Variants in CUL9 observed in about 807,000 individuals in gnomAD.
CUL9 encodes the protein cullin-9.
CUL9 carries 79 observed loss-of-function variants against 272.6 expected under a neutral mutation model. The ratio of observed to expected loss-of-function variants is 0.29; its 90% CI spans 0.24 to 0.35. The LOEUF (loss-of-function observed/expected upper bound fraction) is 0.35, where lower values mean the gene tolerates loss of function less well. Among genes scored for constraint, CUL9 ranks in the 10% least tolerant of loss-of-function variants. The pLI, the probability that CUL9 is intolerant of heterozygous loss-of-function variation, is 1.00. For synonymous variants in CUL9, 1,186 were observed against 1,286.5 expected (o/e 0.92, Z 1.67); for missense variants, 2,532 against 3,255.6 (o/e 0.78, Z 5.41).
At chr6:43,214,522 C>G (rs371325724) in intron 29 of CUL9, among the ~76,000 whole-genome samples, 1 of 151,888 alleles carries the variant, frequency 6.6e-6, no homozygotes, top group African/African-American at 2.4e-5. Context: ...TAGTAGTGGC[C>G]GGGCGCGGTG....
intron 11 of CUL9, 141 bp from the exon 12 acceptor site, chr6:43,198,468 C>T: frequency 6.7e-7 from 1 of 1,497,766 alleles, no homozygotes; most frequent in Non-Finnish European, 8.9e-7. Flanking sequence ...GAAAACCCCT[C>T]ATAGTTTGGT....
rs772513915 is a variant in CUL9 at position 43,198,651 on chromosome 6, A to G, written c.2846A>G (p.Glu949Gly). The G allele has an allele frequency of 3.7e-6, 6 of 1,614,082 alleles. No homozygotes were observed. Among genetic ancestry groups the G allele is most frequent in the Non-Finnish European group, 5.1e-6 (6 of 1,179,998 alleles). ...ATCCAGGGTCAGGATGGGTCCCCTGAGCTACTGATTCGATCCCTGGTTGGG... is the reference window on the plus strand; with the variant it reads ...ATCCAGGGTCAGGATGGGTCCCCTGGGCTACTGATTCGATCCCTGGTTGGG... ...PIIQGQDGSP[E>G]LLIRSLVGGP... Residue 949 changes from glutamate (E) to glycine (G), a missense_variant, in exon 12 of 41, where the codon GAG (glutamate) becomes GGG (glycine). By Grantham distance (98) the Glu-to-Gly change is moderately conservative. Transcript: ENST00000252050.
At position 43,204,570 on chromosome 6, in the gene CUL9, C is replaced by G. The variant is rs770960441; in HGVS notation, c.4339+31C>G. On this transcript the variant is annotated intron_variant, in intron 21 of 40. Coordinates refer to ENST00000252050, the MANE Select transcript of CUL9 (RefSeq NM_015089.4). ...TCCCAGCTGTGGCCAGTGGAGCTGA[C>G]TCTGCGGACAGTGGTGTATCTGGCT... 6.8e-6 allele frequency: 11 copies of G among 1,612,656 alleles called. No individual in the cohort carries two copies. The Admixed American group carries it at 1.3e-4, about 20-fold the overall frequency.
rs759613358 is a variant in CUL9 at position 43,184,409 on chromosome 6, C to T, written c.99C>T (p.Asp33=). The T allele has an allele frequency of 5.4e-5, 87 of 1,613,356 alleles. No homozygotes were observed. The highest frequency in any genetic ancestry group is 1.6e-4 in the Middle Eastern group (1 of 6,080). Residue 33 remains aspartate, a synonymous_variant, in exon 2 of 41, where the codon GAC becomes GAT. Transcript: ENST00000252050. This position sits in a 1 kb window ranked among gnomAD's most constrained non-coding sequence, Gnocchi z 4.8. ...EELIRQRPGH[D]GHPEYLIRWS... is the part of the protein sequence containing the mutation. ...TCATTCGACAGAGGCCTGGGCATGA[C>T]GGGCATCCTGAATACCTGATCCGAT... is the stretch of plus-strand genomic sequence containing the variant.
rs763804282 is a variant in CUL9, at chr6:43,216,462, G to A, written c.6241G>A (p.Asp2081Asn). Residue 2081 changes from aspartate to asparagine, a missense_variant, in exon 31 of 41, where the codon GAC (aspartate) becomes AAC (asparagine). Coordinates refer to ENST00000252050, the MANE Select transcript of CUL9 (RefSeq NM_015089.4). ...CTGTGTGAGCCCCCTGGGGTGTGAC[G>A]ACGACCTGCCCTCTCTCTGCTGCAT... is the stretch of plus-strand genomic sequence containing the variant. Reference protein sequence around the residue: ...PVCVSPLGCDDDLPSLCCMHY... With the variant: ...PVCVSPLGCDNDLPSLCCMHY... 5 of 1,604,592 alleles carry A rather than the reference G, an allele frequency of 3.1e-6. No individual in the cohort carries two copies. The highest frequency in any genetic ancestry group is 2.2e-5 in the East Asian group (1 of 44,516).
chr6:43,204,526 A>G lies in CUL9; in HGVS notation c.4326A>G (p.Pro1442=), dbSNP rs754326564. 3.1e-6 allele frequency: 5 copies of G among 1,613,888 alleles called. No individual in the cohort carries two copies. The East Asian group carries it at 8.9e-5, about 29-fold the overall frequency. The change falls in exon 21 of 41, where the codon CCA becomes CCG. Residue 1442 remains proline (P), a synonymous_variant. Transcript: ENST00000252050. ...CTCCTCCTGGGCCTTCTCCTGAGCC[A>G]TCCACTCGGCCCTGTAAGTCCCAGC... ...VEPPPGPSPE[P]STRPFSKNSK... is the part of the protein sequence containing the mutation.
chr6:43,211,728 A>G (rs549021499), intron 26 of CUL9, among the ~76,000 whole-genome samples: 2 of 152,196 alleles, frequency 1.3e-5, no homozygotes, highest in Non-Finnish European at 2.9e-5. Context: ...ATATCAGCTC[A>G]TGGCCAATCT....
At chr6:43,183,224 C>A (rs114575770) in intron 1 of CUL9, among the ~76,000 whole-genome samples, 1 of 152,132 alleles carries the variant, frequency 6.6e-6, no homozygotes, top group African/African-American at 2.4e-5. Flanking sequence ...CCATGATTAC[C>A]ACCTCTATCT....
chr6:43,190,352 G>T (rs1773347119), intron 8 of CUL9, among the ~76,000 whole-genome samples: 1 of 149,680 alleles, frequency 6.7e-6, no homozygotes. Flanking sequence ...TTTTTAATTG[G>T]ATCTTTGCCT....
chr6:43,219,486 A>G (rs1270257094), intron 31 of CUL9, among the ~76,000 whole-genome samples: 2 of 151,544 alleles, frequency 1.3e-5, no homozygotes, highest in Admixed American at 6.6e-5. Context: ...TCCCTGTTCT[A>G]TCTCAAAAAT....
At position 43,218,122 on chromosome 6, in the gene CUL9, T is replaced by A. The variant is rs1397532909; in HGVS notation, c.6282+1619T>A. On this transcript the variant is annotated intron_variant, in intron 31 of 40. Transcript: ENST00000252050. The surrounding 1 kb of genome is among the most constrained non-coding windows in gnomAD (Gnocchi z 4.4). ...ACCACACCCAGCCTGACAGTGGATTTTATTTTATGAGAAGCCATGGTGGGT... is the reference window on the plus strand; with the variant it reads ...ACCACACCCAGCCTGACAGTGGATTATATTTTATGAGAAGCCATGGTGGGT... Among the ~76,000 whole-genome samples, 1 of 151,986 alleles carries A rather than the reference T, an allele frequency of 6.6e-6. No individual in the cohort carries two copies. The highest frequency in any genetic ancestry group is 1.5e-5 in the Non-Finnish European group (1 of 67,986).
intron 8 of CUL9, chr6:43,189,108 T>C (rs1773182913): frequency 6.2e-6 from 1 of 162,440 alleles, no homozygotes; most frequent in African/African-American, 2.4e-5. Flanking sequence ...TTTTTCTCTT[T>C]CTTTTTCTTT....
intron 16 of CUL9, 84 bp from the exon 17 acceptor site, chr6:43,202,632 C>T (rs765791072): frequency 8.5e-6 from 10 of 1,176,740 alleles, no homozygotes; most frequent in African/African-American, 1.5e-5. Context: ...CCTCCCACCT[C>T]AGCCTCCCAA....
chr6:43,200,722 C>A lies in CUL9; in HGVS notation c.3535C>A (p.Pro1179Thr). The A allele has an allele frequency of 6.2e-7, 1 of 1,614,200 alleles. No individual in the cohort carries two copies. Among genetic ancestry groups the A allele is most frequent in the Non-Finnish European group, 8.5e-7 (1 of 1,180,032 alleles). Residue 1179 changes from proline to threonine, a missense_variant, in exon 16 of 41, where the codon CCG (proline) becomes ACG (threonine). Pro to Thr is a conservative substitution (Grantham distance 38). Coordinates refer to ENST00000252050, the MANE Select transcript of CUL9 (RefSeq NM_015089.4). This position sits in a 1 kb window ranked among gnomAD's most constrained non-coding sequence, Gnocchi z 4.0. ...GGAGAAGGTGGAGGTGTCCTCCAAC[C>A]CGCACCGAGCCAGCAAGCTGACGGA... ...CWEKVEVSSN[P>T]HRASKLTDHN...
intron 26 of CUL9, among the ~76,000 whole-genome samples, chr6:43,212,597 C>G (rs1235200139): frequency 6.6e-6 from 1 of 151,746 alleles, no homozygotes; most frequent in Non-Finnish European, 1.5e-5. Context: ...AAAAATATAT[C>G]ATTATGAACT....
At position 43,188,511 on chromosome 6, in the gene CUL9, C is replaced by G; in HGVS notation, c.1988-12C>G. ...AGTTCTTTTAGCCATTGCCTTTTCC[C>G]ACCAATTTCAGAAATGGCCAGAGCC... On this transcript the variant is annotated splice_polypyrimidine_tract_variant and intron_variant, in intron 7 of 40. Coordinates refer to ENST00000252050, the MANE Select transcript of CUL9 (RefSeq NM_015089.4). 6.3e-7 allele frequency: 1 copy of G among 1,576,872 alleles called. No individual in the cohort carries two copies. The highest frequency in any genetic ancestry group is 8.6e-7 in the Non-Finnish European group (1 of 1,162,090).
At chr6:43,222,681 C>T in intron 37 of CUL9, 40 bp downstream of exon 37, 1 of 1,606,200 alleles carries the variant, frequency 6.2e-7, no homozygotes. Context: ...GAGGGGTGTG[C>T]CAAATGGGTC....
At position 43,200,290 on chromosome 6, in the gene CUL9, T is replaced by G. The variant is rs1269113392; in HGVS notation, c.3384+134T>G. On this transcript the variant is annotated intron_variant, in intron 14 of 40. Coordinates refer to ENST00000252050, the MANE Select transcript of CUL9 (RefSeq NM_015089.4). The surrounding 1 kb of genome is among the most constrained non-coding windows in gnomAD (Gnocchi z 4.0). ...ATCTGGGGCACTTGTTTCCTAACCT[T>G]GACTCCACATGGTTCTGTCAAAATG... is the stretch of plus-strand genomic sequence containing the variant. The G allele has an allele frequency of 1.3e-6, 2 of 1,484,464 alleles. No individual in the cohort carries two copies. Among genetic ancestry groups the G allele is most frequent in the Non-Finnish European group, 1.8e-6 (2 of 1,084,182 alleles). 92.0% of individuals were successfully genotyped at this position (1,484,464 alleles called of 1,614,324 possible).
chr6:43,209,201 A>G (rs1459379697), intron 26 of CUL9, among the ~76,000 whole-genome samples: 4 of 140,282 alleles, frequency 2.9e-5, no homozygotes, highest in African/African-American at 1.1e-4. Context: ...GCTGGAGTGT[A>G]GTGGCGTGAT....
Sources: gnomAD v4.1 joint callset for allele counts (sites outside exome capture counted in the v4.1 genomes callset) on GRCh38, gnomAD v4.1.1 for gene constraint, Gnocchi (gnomAD v3.1) non-coding constraint, MANE v1.5 for transcripts, NCBI Gene and HGNC (gene_info 2026-07-23, HGNC 2026-07-21) for gene names.